The following AKR1C8 variants were observed in gnomAD, a reference collection of about 807,000 sequenced individuals.
AKR1C8 encodes aldo-keto reductase family 1 member C-like protein 1.
chr10:5,183,066 T>C, the AKR1C8 span, among the ~76,000 whole-genome samples: 1 of 152,198 alleles, frequency 6.6e-6, no homozygotes, highest in Non-Finnish European at 1.5e-5. Flanking sequence ...AAACTTGCCA[T>C]ACATTTGTTA....
chr10:5,134,386 T>C, the AKR1C8 span, among the ~76,000 whole-genome samples: 1 of 152,184 alleles, frequency 6.6e-6, no homozygotes, highest in Non-Finnish European at 1.5e-5. Context: ...ATTCAAGCAC[T>C]TAGTAGCCTT....
chr10:5,177,236 C>G, the AKR1C8 span, among the ~76,000 whole-genome samples: 1 of 151,852 alleles, frequency 6.6e-6, no homozygotes, highest in Non-Finnish European at 1.5e-5. Context: ...TTGAGATAAT[C>G]ATGTGGTTTT....
At chr10:5,181,953 T>C in the AKR1C8 span, among the ~76,000 whole-genome samples, 1 of 152,164 alleles carries the variant, frequency 6.6e-6, no homozygotes. Flanking sequence ...CTAAAATGTT[T>C]ATAAATATCA....
At chr10:5,127,875 A>G in the AKR1C8 span, among the ~76,000 whole-genome samples, 1 of 152,152 alleles carries the variant, frequency 6.6e-6, no homozygotes, top group East Asian at 1.9e-4. Context: ...AATAATTGAG[A>G]AAAACTTCCC....
chr10:5,181,468 G>C, the AKR1C8 span, among the ~76,000 whole-genome samples: 1 of 151,842 alleles, frequency 6.6e-6, no homozygotes, highest in Non-Finnish European at 1.5e-5. Flanking sequence ...TAACATATTC[G>C]ACAGGCTTCC....
chr10:5,127,045 A>T, the AKR1C8 span, among the ~76,000 whole-genome samples: 1 of 152,184 alleles, frequency 6.6e-6, no homozygotes, highest in Non-Finnish European at 1.5e-5. Context: ...AGATTTTGTC[A>T]TCCCAAAACC....
chr10:5,141,803 A>G, the AKR1C8 span, among the ~76,000 whole-genome samples: 2,690 of 152,242 alleles, frequency 0.018, 76 homozygotes, highest in African/African-American at 0.061. Context: ...TGCTATAAAG[A>G]GCTATGCTGT....
At chr10:5,172,911 C>T in the AKR1C8 span, among the ~76,000 whole-genome samples, 1 of 152,052 alleles carries the variant, frequency 6.6e-6, no homozygotes, top group Admixed American at 6.6e-5. Context: ...CTGCTAATTT[C>T]CTGATTGGAT....
the AKR1C8 span, among the ~76,000 whole-genome samples, chr10:5,178,978 A>T: frequency 6.6e-6 from 1 of 152,174 alleles, no homozygotes; most frequent in Admixed American, 6.5e-5. Context: ...GTCCATTTAC[A>T]TTTAAAGTTA....
chr10:5,132,826 G>A, the AKR1C8 span: 1 of 737,634 alleles, frequency 1.4e-6, no homozygotes, highest in East Asian at 3.0e-5. Context: ...AGGTAGTTCA[G>A]GCACAAACAA....
chr10:5,138,950 C>A, the AKR1C8 span, among the ~76,000 whole-genome samples: 2 of 152,300 alleles, frequency 1.3e-5, no homozygotes, highest in African/African-American at 2.4e-5. Flanking sequence ...TGATAAGCAA[C>A]TTCAGCAAAG....
chr10:5,168,877 A>G, the AKR1C8 span, among the ~76,000 whole-genome samples: 2 of 152,122 alleles, frequency 1.3e-5, no homozygotes, highest in African/African-American at 4.8e-5. Flanking sequence ...AAAGACTGAC[A>G]AAAAATCAGA....
chr10:5,166,001 A>C, the AKR1C8 span, among the ~76,000 whole-genome samples: 1 of 152,116 alleles, frequency 6.6e-6, no homozygotes, highest in African/African-American at 2.4e-5. Flanking sequence ...CCAGAGGATG[A>C]GAGAAAAAAG....
the AKR1C8 span, among the ~76,000 whole-genome samples, chr10:5,160,330 T>C: frequency 6.6e-6 from 1 of 152,134 alleles, no homozygotes; most frequent in Non-Finnish European, 1.5e-5. Flanking sequence ...AAGGAGACTC[T>C]TGGGTTTTCT....
chr10:5,154,381 T>C, the AKR1C8 span: 5 of 240,344 alleles, frequency 2.1e-5, no homozygotes, highest in Admixed American at 2.4e-4. Flanking sequence ...TTATGACTTA[T>C]TTAAATATAA....
chr10:5,116,444 T>C, the AKR1C8 span, among the ~76,000 whole-genome samples: 1 of 152,100 alleles, frequency 6.6e-6, no homozygotes, highest in Non-Finnish European at 1.5e-5. Flanking sequence ...CCACTTCCAC[T>C]TCCACCCCTT....
the AKR1C8 span, among the ~76,000 whole-genome samples, chr10:5,175,638 T>A: frequency 6.6e-6 from 1 of 152,176 alleles, no homozygotes; most frequent in Non-Finnish European, 1.5e-5. Flanking sequence ...CCAGCACCTG[T>A]TGTTTCCTGA....
At chr10:5,123,041 G>T in the AKR1C8 span, among the ~76,000 whole-genome samples, 28 of 152,152 alleles carry the variant, frequency 1.8e-4, no homozygotes, top group African/African-American at 6.3e-4. Flanking sequence ...ATAATAAATT[G>T]CCAACTTAAT....
the AKR1C8 span, among the ~76,000 whole-genome samples, chr10:5,118,190 G>A: frequency 6.6e-6 from 1 of 152,128 alleles, no homozygotes; most frequent in Non-Finnish European, 1.5e-5. Flanking sequence ...GTTATCCATT[G>A]TGGGTAAACA....
Sources: gnomAD v4.1 joint callset for allele counts (sites outside exome capture counted in the v4.1 genomes callset) on GRCh38, gnomAD v4.1.1 for gene constraint, MANE v1.5 for transcripts, NCBI Gene and HGNC (gene_info 2026-07-23, HGNC 2026-07-21) for gene names.